ZNF609: variants seen among roughly 807,000 people sequenced by gnomAD.
ZNF609 encodes zinc finger protein 609.
Under a neutral mutation model 109.5 loss-of-function variants are expected in ZNF609, and 11 were observed. That is an observed-to-expected ratio of 0.10 (90% CI 0.06 to 0.17). The LOEUF is 0.17. Ranked by LOEUF, ZNF609 falls within the 10% of genes least tolerant of loss-of-function variation. The probability of loss-of-function intolerance (pLI) is 1.00; values close to 1 mark genes in which losing one functional copy is unlikely to be tolerated. For missense variants in ZNF609, 1,559 were observed against 1,772.4 expected (o/e 0.88, Z 2.16); for synonymous variants, 646 against 662.0 (o/e 0.98, Z 0.37).
chr15:64,513,669 T>A (rs949953693), intron 2 of ZNF609, among the ~76,000 whole-genome samples: 1 of 152,218 alleles, frequency 6.6e-6, no homozygotes, highest in Non-Finnish European at 1.5e-5. Flanking sequence ...GGTCCCCACA[T>A]AAGAGCTGAC....
intron 2 of ZNF609, among the ~76,000 whole-genome samples, chr15:64,536,961 A>G (rs7170263): frequency 1 from 140,697 of 140,806 alleles, 70,294 homozygotes; most frequent in Non-Finnish European, 1. Context: ...GGTGGCTCAC[A>G]CCTGTAATCC....
At position 64,674,286 on chromosome 15, in the gene ZNF609, A is replaced by T; in HGVS notation, c.1432A>T (p.Thr478Ser). 1.2e-6 allele frequency: 2 copies of T among 1,614,134 alleles called. No homozygotes were observed. The highest frequency in any genetic ancestry group is 1.3e-5 in the African/African-American group (1 of 75,030). The part of the protein sequence containing the change: ...MGSATGPLPG[T>S]KVEPTVLDRN... ...CTCAGCCACTGGCCCCCTTCCTGGG[A>T]CAAAGGTAGAACCCACTGTTCTGGA... is the stretch of plus-strand genomic sequence containing the variant. Residue 478 changes from threonine (T) to serine (S), a missense_variant, in exon 5 of 10, where the codon ACA (threonine) becomes TCA (serine). Thr to Ser is a moderately conservative substitution (Grantham distance 58). Transcript: ENST00000326648.
In ZNF609 at chr15:64,677,689, A is replaced by G. The variant is rs543572542; in HGVS notation, c.3403-427A>G. 3.9e-5 allele frequency among the ~76,000 whole-genome samples: 6 copies of G among 152,300 alleles called. No individual in the cohort carries two copies. The South Asian group carries it at 1.0e-3, about 26-fold the overall frequency. ...AGAATGTCTTCCCTTCCCTCTTGGTATAATAGTTATGCTTCCCTCCCTCCT... is the reference window on the plus strand; with the variant it reads ...AGAATGTCTTCCCTTCCCTCTTGGTGTAATAGTTATGCTTCCCTCCCTCCT... On this transcript the variant is annotated intron_variant, in intron 5 of 9. Coordinates refer to ENST00000326648, the MANE Select transcript of ZNF609 (RefSeq NM_015042.2).
At position 64,680,880 on chromosome 15, in the gene ZNF609, A is replaced by G. The variant is rs1332712307; in HGVS notation, c.4162+18A>G. The G allele has an allele frequency of 9.3e-6, 15 of 1,604,578 alleles. No individual in the cohort carries two copies. Among genetic ancestry groups the G allele is most frequent in the South Asian group, 2.2e-5 (2 of 91,018 alleles). On this transcript the variant is annotated intron_variant, in intron 8 of 9. Coordinates refer to ENST00000326648, the MANE Select transcript of ZNF609 (RefSeq NM_015042.2). The stretch of plus-strand genomic sequence containing the variant: ...TGCAGCAGGTAAGCCTGTTTTCCCT[A>G]CCACCTGTTGTTTTGTCTTGTTTTG...
intron 1 of ZNF609, among the ~76,000 whole-genome samples, chr15:64,478,007 C>T (rs1158381194): frequency 6.6e-6 from 1 of 152,102 alleles, no homozygotes; most frequent in Non-Finnish European, 1.5e-5. Flanking sequence ...ACACTATATG[C>T]CATTTGATGT....
intron 2 of ZNF609, among the ~76,000 whole-genome samples, chr15:64,586,045 C>T (rs1199068862): frequency 6.6e-6 from 1 of 151,990 alleles, no homozygotes; most frequent in Non-Finnish European, 1.5e-5. Context: ...ATCTTGCCGG[C>T]CGGGTGCGGT....
intron 1 of ZNF609, among the ~76,000 whole-genome samples, chr15:64,495,763 T>C (rs1893473369): frequency 6.6e-6 from 1 of 151,404 alleles, no homozygotes. Context: ...TTTTTTTTTT[T>C]AGTGTTAAAT....
At chr15:64,534,320 T>A (rs917915915) in intron 2 of ZNF609, among the ~76,000 whole-genome samples, 9 of 151,364 alleles carry the variant, frequency 5.9e-5, no homozygotes, top group African/African-American at 1.9e-4. Context: ...ATTATTTATT[T>A]TTTTTTTTTA....
At chr15:64,508,461 C>T (rs1162117023) in intron 2 of ZNF609, among the ~76,000 whole-genome samples, 1 of 152,156 alleles carries the variant, frequency 6.6e-6, no homozygotes, top group African/African-American at 2.4e-5. Flanking sequence ...CTGTCAGACC[C>T]TGGAGGTGTT....
intron 2 of ZNF609, among the ~76,000 whole-genome samples, chr15:64,518,768 TGAA>T (rs1006057017): frequency 5.3e-5 from 8 of 151,962 alleles, no homozygotes; most frequent in Non-Finnish European, 1.0e-4. Flanking sequence ...GGGAAGAGAT[TGAA>T]GAAGAAGTCG....
rs1212078890 is a variant in ZNF609, at chr15:64,590,309, A to ATC, written c.748-32506_748-32505dup. ...GGGAGAGAGCGTATGGGATAAATTG[A>ATC]TCTCTCTCTCTCTTTTGCTCTTTAT... On this transcript the variant is annotated intron_variant, in intron 2 of 9. Coordinates refer to ENST00000326648, the MANE Select transcript of ZNF609 (RefSeq NM_015042.2). Among the ~76,000 whole-genome samples, 6 of 151,894 alleles carry ATC rather than the reference A, an allele frequency of 4.0e-5. No individual in the cohort carries two copies. The South Asian group carries it at 6.2e-4, about 16-fold the overall frequency.
intron 2 of ZNF609, among the ~76,000 whole-genome samples, chr15:64,605,736 T>TC (rs930766540): frequency 2.4e-5 from 3 of 124,266 alleles, no homozygotes; most frequent in African/African-American, 8.1e-5. Flanking sequence ...TTTTTCTTTC[T>TC]TTTTTTTTTT....
intron 1 of ZNF609, among the ~76,000 whole-genome samples, chr15:64,486,397 G>A (rs1033715787): frequency 2.6e-5 from 4 of 151,850 alleles, no homozygotes; most frequent in African/African-American, 9.7e-5. Context: ...GGCGACGTGC[G>A]CCTGTAGTCC....
rs192516057 is a variant in ZNF609 at position 64,656,969 on chromosome 15, G to C, written c.974-13377G>C. Among the ~76,000 whole-genome samples, 91 of 152,228 alleles carry C rather than the reference G, an allele frequency of 6.0e-4. 1 individual carries two copies. Among genetic ancestry groups the C allele is most frequent in the African/African-American group, 2.1e-3 (86 of 41,566 alleles). On this transcript the variant is annotated intron_variant, in intron 3 of 9. Coordinates refer to ENST00000326648, the MANE Select transcript of ZNF609 (RefSeq NM_015042.2). ...TTGGCACAATGACGGAGTATGGTAA[G>C]TAGTATGGGCCAGGCACAGTGGCTC...
At chr15:64,494,437 T>C (rs183784019) in intron 1 of ZNF609, among the ~76,000 whole-genome samples, 1 of 152,324 alleles carries the variant, frequency 6.6e-6, no homozygotes, top group East Asian at 1.9e-4. Flanking sequence ...GTTAAATATC[T>C]GTCTTTCTGT....
chr15:64,680,563 G>A, intron 7 of ZNF609, 83 bp from the exon 8 acceptor site: 1 of 413,670 alleles, frequency 2.4e-6, no homozygotes, highest in Non-Finnish European at 3.7e-6. Context: ...CATCTCACTT[G>A]TGTGTGTGTG....
chr15:64,575,325 G>A, intron 2 of ZNF609, among the ~76,000 whole-genome samples: 1 of 152,080 alleles, frequency 6.6e-6, no homozygotes, highest in South Asian at 2.1e-4. Context: ...TCAGGAGGCT[G>A]AGGCAGGAAA....
At chr15:64,598,764 A>C (rs1311681429) in intron 2 of ZNF609, among the ~76,000 whole-genome samples, 1 of 126,470 alleles carries the variant, frequency 7.9e-6, no homozygotes, top group African/African-American at 2.7e-5. Context: ...ATATATATAT[A>C]TATATATATA....
In ZNF609 at chr15:64,577,437, GTA is replaced by G. The variant is rs1272491989; in HGVS notation, c.748-45381_748-45380del. 5.6e-4 allele frequency among the ~76,000 whole-genome samples: 12 copies of G among 21,336 alleles called. 1 individual carries two copies. The highest frequency in any genetic ancestry group is 1.6e-3 in the South Asian group (2 of 1,278). The allele number at this position is 21,336 out of a possible 152,430, so 14.0% of individuals were successfully genotyped here. A position where few individuals can be genotyped will look rare whatever the true frequency, so the allele number is the denominator to read the frequency against. ...CACATATAAATATATACACATATAT[GTA>G]TATATATACACATATAAATATATAC... is the stretch of plus-strand genomic sequence containing the variant. On this transcript the variant is annotated intron_variant, in intron 2 of 9. Transcript: ENST00000326648.
Sources: gnomAD v4.1 joint callset for allele counts (sites outside exome capture counted in the v4.1 genomes callset) on GRCh38, gnomAD v4.1.1 for gene constraint, MANE v1.5 for transcripts, NCBI Gene and HGNC (gene_info 2026-07-23, HGNC 2026-07-21) for gene names.